Variants in AXIN2 observed in about 807,000 individuals in gnomAD.
AXIN2 encodes the protein axin-2.
A neutral mutation model predicts 74.7 loss-of-function variants in AXIN2; 21 were observed. The ratio of observed to expected loss-of-function variants is 0.28; its 90% CI spans 0.20 to 0.40. The LOEUF (loss-of-function observed/expected upper bound fraction) is 0.40, where lower values mean the gene tolerates loss of function less well. Ranked by LOEUF, AXIN2 falls within the 10% of genes least tolerant of loss-of-function variation. The pLI is 1.00. For synonymous variants in AXIN2, 532 were observed against 454.9 expected (o/e 1.17, Z -2.16); for missense variants, 1,144 against 1,111.1 (o/e 1.03, Z -0.42).
At chr17:65,533,870 A>G (rs2144417531) in intron 10 of AXIN2, 42 bp downstream of exon 10, 1 of 1,364,544 alleles carries the variant, frequency 7.3e-7, no homozygotes, top group Middle Eastern at 2.8e-4. Context: ...CTTGGTTCTG[A>G]GCAAACAAAC....
chr17:65,555,335 GGA>G (rs1238624194), intron 2 of AXIN2, among the ~76,000 whole-genome samples: 14 of 152,290 alleles, frequency 9.2e-5, no homozygotes, highest in African/African-American at 3.1e-4. Context: ...TGAGTGTGCG[GGA>G]GAGGGAAGGG....
chr17:65,533,885 A>G, intron 10 of AXIN2, 27 bp downstream of exon 10: 1 of 1,559,794 alleles, frequency 6.4e-7, no homozygotes, highest in Non-Finnish European at 8.7e-7. Context: ...ACAAACTGAG[A>G]GCAGAAAAAA....
Position 65,529,283 on chromosome 17 carries a change from G to A in AXIN2, c.*693C>T, listed in dbSNP as rs1598089261. 8.5e-6 allele frequency: 2 copies of A among 235,824 alleles called. No homozygotes were observed. Among genetic ancestry groups the A allele is most frequent in the Admixed American group, 1.1e-4 (2 of 18,268 alleles). 14.6% of individuals were successfully genotyped at this position (235,824 alleles called of 1,614,324 possible). On this transcript the variant is annotated 3_prime_UTR_variant, in exon 11 of 11. Coordinates refer to ENST00000307078, the MANE Select transcript of AXIN2 (RefSeq NM_004655.4). The stretch of plus-strand genomic sequence containing the variant: ...TCCCATCCAACACAACCCCCAAAAT[G>A]TTGATGATGACGCAACATGGTCAAC...
chr17:65,558,492 G>A lies in AXIN2; in HGVS notation c.129C>T (p.Gly43=), dbSNP rs878854720. 4.3e-6 allele frequency: 7 copies of A among 1,611,852 alleles called. No individual in the cohort carries two copies. The highest frequency in any genetic ancestry group is 4.5e-5 in the East Asian group (2 of 44,802). The change falls in exon 2 of 11, where the codon GGC becomes GGT. Residue 43 remains glycine (G), a synonymous_variant. Transcript: ENST00000307078. ...AGACAGGCATGGGTTTGGTGACCTG[G>A]CCCTTGCCCACCCCTGGCTGACACG... ...TPPCQPGVGK[G]QVTKPMPVSS...
chr17:65,560,281 G>C (rs976690332), intron 1 of AXIN2: 1 of 152,268 alleles, frequency 6.6e-6, no homozygotes, highest in Admixed American at 6.5e-5. Context: ...CGAGGGACAC[G>C]GGCGCCCCGG....
intron 6 of AXIN2, 109 bp from the exon 7 acceptor site, chr17:65,537,172 T>C (rs1393507500): frequency 1.3e-6 from 2 of 1,534,632 alleles, no homozygotes; most frequent in South Asian, 1.1e-5. Context: ...GAAAGACCCA[T>C]GCACCTGCTC....
At chr17:65,543,748 C>G (rs2044076006) in intron 3 of AXIN2, among the ~76,000 whole-genome samples, 2 of 152,168 alleles carry the variant, frequency 1.3e-5, no homozygotes, top group Non-Finnish European at 1.5e-5. Context: ...TGTGGAGATG[C>G]CATTTCCTAA....
Position 65,528,588 on chromosome 17 carries a change from A to C in AXIN2, c.*1388T>G, listed in dbSNP as rs1053377070. 1 of 473,746 alleles carries C rather than the reference A, an allele frequency of 2.1e-6. No individual in the cohort carries two copies. Among genetic ancestry groups the C allele is most frequent in the African/African-American group, 2.0e-5 (1 of 50,204 alleles). 29.3% of individuals were successfully genotyped at this position (473,746 alleles called of 1,614,324 possible). A position where few individuals can be genotyped will look rare whatever the true frequency, so the allele number is the denominator to read the frequency against. Reference sequence around the variant, plus strand: ...TTTTGAAAAATATAAAATTTTAATAAAGGCTACATCTCTTAATTACAATAA... The same window carrying C: ...TTTTGAAAAATATAAAATTTTAATACAGGCTACATCTCTTAATTACAATAA... On this transcript the variant is annotated 3_prime_UTR_variant, in exon 11 of 11. Transcript: ENST00000307078.
chr17:65,539,460 C>A (rs1450336160), intron 4 of AXIN2, among the ~76,000 whole-genome samples: 4 of 152,160 alleles, frequency 2.6e-5, no homozygotes, highest in Non-Finnish European at 4.4e-5. Flanking sequence ...GATTTGCACA[C>A]CCCAGGACAA....
rs2043865276 is a variant in AXIN2, at chr17:65,533,931, T to C, written c.2386A>G (p.Ser796Gly). 1 of 1,614,110 alleles carries C rather than the reference T, an allele frequency of 6.2e-7. No homozygotes were observed. Among genetic ancestry groups the C allele is most frequent in the Non-Finnish European group, 8.5e-7 (1 of 1,179,988 alleles). The change falls in exon 10 of 11, where the codon AGC becomes GGC. Residue 796 changes from serine (S) to glycine (G), a missense_variant. This residue lies in a region of AXIN2 where 65 missense variants were observed against 95.7 expected (regional missense o/e 0.68). Coordinates refer to ENST00000307078, the MANE Select transcript of AXIN2 (RefSeq NM_004655.4). ...TCTTACCTATAATTTCCCTTTTTGC[T>C]GAGCTGCTCTTTAAAGTGGCCCAGG... is the stretch of plus-strand genomic sequence containing the variant. ...LTLGHFKEQL[S>G]KKGNYRYYFK...
Position 65,558,277 on chromosome 17 carries a change from T to C in AXIN2, c.344A>G (p.Asn115Ser), listed in dbSNP as rs370257532. The C allele has an allele frequency of 3.0e-5, 48 of 1,614,170 alleles. No homozygotes were observed. In the African/African-American group the frequency reaches 3.2e-4, roughly 11 times the overall value. The stretch of plus-strand genomic sequence containing the variant: ...CTTCAGGTTCATCTGCCTGAATCCA[T>C]TGCAGGCAAACCAGAAGTCTAAGGT... ...VDTLDFWFAC[N>S]GFRQMNLKDT... The change falls in exon 2 of 11, where the codon AAT becomes AGT. Residue 115 changes from asparagine to serine, a missense_variant. Asn to Ser is a conservative substitution (Grantham distance 46). Coordinates refer to ENST00000307078, the MANE Select transcript of AXIN2 (RefSeq NM_004655.4).
chr17:65,533,092 AG>A (rs1262559480), intron 10 of AXIN2, among the ~76,000 whole-genome samples: 4 of 152,200 alleles, frequency 2.6e-5, no homozygotes, highest in Admixed American at 2.6e-4. Context: ...GGAATGGCCT[AG>A]GGCTGGCCCT....
chr17:65,536,746 A>G, intron 7 of AXIN2, 123 bp downstream of exon 7: 2 of 1,479,840 alleles, frequency 1.4e-6, no homozygotes, highest in Non-Finnish European at 1.9e-6. Context: ...GTTTAATATT[A>G]AGATGGCAGG....
At chr17:65,552,169 T>G (rs2044203054) in intron 2 of AXIN2, among the ~76,000 whole-genome samples, 1 of 152,236 alleles carries the variant, frequency 6.6e-6, no homozygotes, top group African/African-American at 2.4e-5. Flanking sequence ...GAACAGTTCA[T>G]TCTTCTGGAG....
At chr17:65,540,228 A>C (rs1258115294) in intron 4 of AXIN2, among the ~76,000 whole-genome samples, 2 of 141,582 alleles carry the variant, frequency 1.4e-5, no homozygotes, top group African/African-American at 5.4e-5. Flanking sequence ...AGAATGTCCC[A>C]GTGAAGAGAG....
In AXIN2 at chr17:65,538,435, A is replaced by G; in HGVS notation, c.1060-92T>C. On this transcript the variant is annotated intron_variant, in intron 4 of 10. Coordinates refer to ENST00000307078, the MANE Select transcript of AXIN2 (RefSeq NM_004655.4). ...GAGCTTCCCGCACCAGGCGCTGTGC[A>G]CCGCAAACCCATGTTCGGGTGTAGA... 1.9e-6 allele frequency: 3 copies of G among 1,544,298 alleles called. No individual in the cohort carries two copies. The South Asian group carries it at 3.5e-5, about 18-fold the overall frequency.
intron 1 of AXIN2, chr17:65,559,988 T>C (rs890911542): frequency 1.3e-5 from 2 of 152,174 alleles, no homozygotes; most frequent in African/African-American, 4.8e-5. Context: ...CAGGCTCTCA[T>C]GTCCTCCGAG....
chr17:65,545,376 G>A (rs560943507), intron 3 of AXIN2, among the ~76,000 whole-genome samples: 1 of 152,308 alleles, frequency 6.6e-6, no homozygotes, highest in East Asian at 1.9e-4. Flanking sequence ...TTTGGTGGGA[G>A]TCTGGCAGTT....
intron 5 of AXIN2, 23 bp downstream of exon 5, chr17:65,538,180 G>T: frequency 6.2e-7 from 1 of 1,614,050 alleles, no homozygotes; most frequent in Non-Finnish European, 8.5e-7. Context: ...ACGGAAGCAG[G>T]AAGAAGGCCT....
Sources: allele counts gnomAD v4.1 joint callset (sites outside exome capture counted in the v4.1 genomes callset), GRCh38; gene constraint gnomAD v4.1.1; regional missense constraint gnomAD v4.1.1; transcripts MANE v1.5; gene names NCBI Gene and HGNC (gene_info 2026-07-23, HGNC 2026-07-21).